The following SCN7A variants were observed in gnomAD, a reference collection of about 807,000 sequenced individuals.
The protein encoded by SCN7A is sodium channel protein type 7 subunit alpha.
A neutral mutation model predicts 155.2 loss-of-function variants in SCN7A; 138 were observed. The ratio of observed to expected loss-of-function variants is 0.89; its 90% confidence interval spans 0.77 to 1.02. SCN7A has a LOEUF of 1.02. Among genes scored for constraint, SCN7A ranks in the 50% least tolerant of loss-of-function variants. SCN7A has a pLI of 0.00. For synonymous variants in SCN7A, 693 were observed against 649.0 expected (o/e 1.07, Z -1.03); for missense variants, 2,058 against 1,986.6 (o/e 1.04, Z -0.68).
At chr2:166,451,713 G>A (rs1001761006) in intron 11 of SCN7A, among the ~76,000 whole-genome samples, 2 of 152,082 alleles carry the variant, frequency 1.3e-5, no homozygotes, top group Admixed American at 1.3e-4. Context: ...TGAAGTGTCA[G>A]TTTCTCATAG....
intron 7 of SCN7A, among the ~76,000 whole-genome samples, chr2:166,469,349 T>C (rs1702604635): frequency 2.6e-5 from 4 of 151,776 alleles, no homozygotes. Context: ...GTCTTAAAGT[T>C]AGTTATATTT....
intron 7 of SCN7A, among the ~76,000 whole-genome samples, chr2:166,469,465 T>G (rs1374163509): frequency 6.6e-6 from 1 of 151,840 alleles, no homozygotes; most frequent in South Asian, 2.1e-4. Context: ...GAGGATACTT[T>G]CTTTCTATTA....
At chr2:166,433,591 T>A (rs1027388388) in intron 15 of SCN7A, among the ~76,000 whole-genome samples, 1 of 152,120 alleles carries the variant, frequency 6.6e-6, no homozygotes, top group African/African-American at 2.4e-5. Flanking sequence ...CAAGTCTGCT[T>A]TATTCCAAAG....
intron 2 of SCN7A, among the ~76,000 whole-genome samples, chr2:166,480,351 G>A (rs1433076940): frequency 1.3e-5 from 2 of 151,788 alleles, no homozygotes; most frequent in Non-Finnish European, 2.9e-5. Context: ...CCAGCTACTC[G>A]AGAGGCTGAG....
At chr2:166,459,202 A>T (rs1702349063) in intron 10 of SCN7A, among the ~76,000 whole-genome samples, 1 of 152,156 alleles carries the variant, frequency 6.6e-6, no homozygotes. Flanking sequence ...CCTATGAAGG[A>T]ATGCCTGAAT....
At chr2:166,424,750 T>C (rs1004479361) in intron 18 of SCN7A, among the ~76,000 whole-genome samples, 24 of 151,990 alleles carry the variant, frequency 1.6e-4, no homozygotes, top group Non-Finnish European at 2.6e-4. Context: ...AAGAAAAACA[T>C]CTTTGCTAGA....
intron 5 of SCN7A, 81 bp from the exon 6 acceptor site, chr2:166,472,526 G>T: frequency 8.5e-7 from 1 of 1,181,808 alleles, no homozygotes; most frequent in Non-Finnish European, 1.2e-6. Flanking sequence ...ATGATAACTA[G>T]CTGGCATTTA....
chr2:166,418,458 C>A (rs1309603244), intron 20 of SCN7A, among the ~76,000 whole-genome samples: 1 of 150,562 alleles, frequency 6.6e-6, no homozygotes, highest in Non-Finnish European at 1.5e-5. Flanking sequence ...TTTTGATTTC[C>A]CTCTCCTGAC....
intron 7 of SCN7A, among the ~76,000 whole-genome samples, chr2:166,467,547 A>G (rs1274847944): frequency 6.6e-6 from 1 of 150,958 alleles, no homozygotes; most frequent in Non-Finnish European, 1.5e-5. Context: ...TCCATCATAT[A>G]CCCAGTTTTT....
intron 2 of SCN7A, among the ~76,000 whole-genome samples, chr2:166,485,926 A>T (rs1457205653): frequency 2.0e-5 from 3 of 152,158 alleles, no homozygotes; most frequent in Non-Finnish European, 4.4e-5. Context: ...CTTGACCAAA[A>T]ATTCCTGGCT....
In SCN7A at chr2:166,427,986, T is replaced by G. The variant is rs1425340481; in HGVS notation, c.2699-44A>C. 2.5e-6 allele frequency: 4 copies of G among 1,590,600 alleles called. No individual in the cohort carries two copies. The African/African-American group carries it at 5.4e-5, about 21-fold the overall frequency. ...TAAGAACAACAATCTAGAAAACTCA[T>G]GAAAAAGTAAACAACTGAAACTTTC... On this transcript the variant is annotated intron_variant, in intron 17 of 25. Transcript: ENST00000643258.
intron 6 of SCN7A, among the ~76,000 whole-genome samples, chr2:166,471,431 G>C (rs918274379): frequency 7.9e-5 from 12 of 151,780 alleles, no homozygotes; most frequent in Middle Eastern, 3.2e-3. Context: ...AACAGAAACA[G>C]CAAAACAGCA....
chr2:166,491,185 T>C (rs374873388), intron 1 of SCN7A, among the ~76,000 whole-genome samples: 3 of 152,268 alleles, frequency 2.0e-5, no homozygotes, highest in East Asian at 1.9e-4. Context: ...TCACCTCCTG[T>C]TCTAGTTTAA....
chr2:166,490,034 A>G (rs1329782578), intron 1 of SCN7A, among the ~76,000 whole-genome samples: 1 of 152,004 alleles, frequency 6.6e-6, no homozygotes, highest in Non-Finnish European at 1.5e-5. Context: ...GTATACACAA[A>G]CATTGTGGAA....
intron 11 of SCN7A, among the ~76,000 whole-genome samples, chr2:166,452,917 C>T (rs6734499): frequency 0.072 from 10,996 of 152,092 alleles, 735 homozygotes; most frequent in East Asian, 0.16. Context: ...TGACTGCTAT[C>T]GTCATTTTTA....
intron 2 of SCN7A, among the ~76,000 whole-genome samples, chr2:166,481,453 A>G (rs535524604): frequency 1.3e-5 from 2 of 152,218 alleles, no homozygotes; most frequent in African/African-American, 4.8e-5. Flanking sequence ...TAAAACTTCA[A>G]AATTTGGACT....
intron 18 of SCN7A, among the ~76,000 whole-genome samples, chr2:166,424,750 T>A (rs1004479361): frequency 1.3e-5 from 2 of 151,990 alleles, no homozygotes; most frequent in African/African-American, 4.8e-5. Flanking sequence ...AAGAAAAACA[T>A]CTTTGCTAGA....
At chr2:166,484,202 C>G (rs942131537) in intron 2 of SCN7A, among the ~76,000 whole-genome samples, 2 of 151,712 alleles carry the variant, frequency 1.3e-5, no homozygotes, top group African/African-American at 4.8e-5. Context: ...AGAATATGGA[C>G]TATGGGGAAA....
At chr2:166,481,908 G>T (rs180790304) in intron 2 of SCN7A, among the ~76,000 whole-genome samples, 1 of 152,264 alleles carries the variant, frequency 6.6e-6, no homozygotes, top group East Asian at 1.9e-4. Context: ...AGCCAGAAGA[G>T]ATTTGGCTTG....
Sources: gnomAD v4.1 joint callset for allele counts (sites outside exome capture counted in the v4.1 genomes callset) on GRCh38, gnomAD v4.1.1 for gene constraint, MANE v1.5 for transcripts, NCBI Gene and HGNC (gene_info 2026-07-23, HGNC 2026-07-21) for gene names.